The following STX18 variants were observed in gnomAD, a reference collection of about 807,000 sequenced individuals.
STX18 encodes the protein syntaxin-18.
STX18 carries 40 observed loss-of-function variants against 50.1 expected under a neutral mutation model. The ratio of observed to expected loss-of-function variants is 0.80; its 90% CI spans 0.62 to 1.04. The LOEUF is 1.04. STX18 is among the 50% of genes least tolerant of loss of function. STX18 has a pLI of 0.00. For missense variants in STX18, 410 were observed against 415.8 expected, an observed-to-expected ratio of 0.99 and a Z score of 0.12; for synonymous variants, 158 against 151.8, an observed-to-expected ratio of 1.04 and a Z score of -0.30.
chr4:4,503,788 T>G (rs1729570392), intron 1 of STX18, among the ~76,000 whole-genome samples: 1 of 152,186 alleles, frequency 6.6e-6, no homozygotes, highest in Non-Finnish European at 1.5e-5. Flanking sequence ...TTTTTGAGAA[T>G]GTTTTTTTCA....
At chr4:4,457,060 C>A (rs1190111632) in intron 5 of STX18, 131 bp downstream of exon 5, 13 of 813,486 alleles carry the variant, frequency 1.6e-5, no homozygotes, top group Non-Finnish European at 2.3e-5. Context: ...TGCCCGGTAG[C>A]GCCAGCTATG....
chr4:4,444,019 C>CAAAAACAAAAAAAACTAT (rs747043856), intron 5 of STX18, among the ~76,000 whole-genome samples: 226 of 152,222 alleles, frequency 1.5e-3, no homozygotes, highest in Middle Eastern at 3.4e-3. Flanking sequence ...TCTTTGTATA[C>CAAAAACAAAAAAAACTAT]CTGGGGGCAT....
At chr4:4,473,836 G>C (rs1728046730) in intron 1 of STX18, among the ~76,000 whole-genome samples, 1 of 152,190 alleles carries the variant, frequency 6.6e-6, no homozygotes, top group African/African-American at 2.4e-5. Flanking sequence ...TTCGACAGTG[G>C]TGAATTCTGG....
chr4:4,496,637 A>G (rs1269350856), intron 1 of STX18, among the ~76,000 whole-genome samples: 1 of 152,176 alleles, frequency 6.6e-6, no homozygotes, highest in Admixed American at 6.5e-5. Context: ...TATAATCAGG[A>G]GCTTCTGCAT....
chr4:4,427,885 A>T (rs947736424), intron 7 of STX18, among the ~76,000 whole-genome samples: 3 of 152,232 alleles, frequency 2.0e-5, no homozygotes, highest in Admixed American at 6.5e-5. Flanking sequence ...CTAGAGGAAG[A>T]GAAGCAGGTG....
At chr4:4,485,493 A>G (rs1485308517) in intron 1 of STX18, among the ~76,000 whole-genome samples, 1 of 152,192 alleles carries the variant, frequency 6.6e-6, no homozygotes, top group African/African-American at 2.4e-5. Flanking sequence ...AAAGACTGCC[A>G]TTTCTTCAGT....
chr4:4,471,741 G>C (rs370143875), intron 1 of STX18, 35 bp from the exon 2 acceptor site: 9 of 1,399,362 alleles, frequency 6.4e-6, no homozygotes, highest in Admixed American at 2.3e-5. Context: ...AGTTTATATA[G>C]ATATGTTACA....
intron 1 of STX18, among the ~76,000 whole-genome samples, chr4:4,493,282 A>T (rs889799600): frequency 6.5e-5 from 9 of 138,812 alleles, no homozygotes; most frequent in African/African-American, 1.8e-4. Flanking sequence ...GGCATTCCCA[A>T]CCCCCCCGCC....
chr4:4,437,145 G>A (rs890821752), intron 6 of STX18, among the ~76,000 whole-genome samples: 4 of 152,000 alleles, frequency 2.6e-5, no homozygotes, highest in Non-Finnish European at 5.9e-5. Context: ...TTTTAGTAGA[G>A]ATGGGGTTTT....
intron 1 of STX18, among the ~76,000 whole-genome samples, chr4:4,526,680 A>T (rs973428824): frequency 7.7e-4 from 117 of 152,258 alleles, no homozygotes; most frequent in African/African-American, 2.7e-3. Context: ...ATTTGAAAAG[A>T]CTTCTGAAGC....
At chr4:4,523,100 C>T (rs997861297) in intron 1 of STX18, among the ~76,000 whole-genome samples, 3 of 152,148 alleles carry the variant, frequency 2.0e-5, no homozygotes, top group African/African-American at 4.8e-5. Context: ...AATATTTTAT[C>T]CACAGATCAG....
chr4:4,486,370 T>C (rs1728699597), intron 1 of STX18, among the ~76,000 whole-genome samples: 1 of 152,162 alleles, frequency 6.6e-6, no homozygotes, highest in Non-Finnish European at 1.5e-5. Context: ...CACATGTCAA[T>C]AAGATGGAGG....
intron 2 of STX18, among the ~76,000 whole-genome samples, chr4:4,460,226 CCAT>C (rs1727306275): frequency 1.3e-5 from 2 of 152,144 alleles, no homozygotes; most frequent in African/African-American, 4.8e-5. Context: ...TGCTGTATCC[CCAT>C]CATCAAGAGC....
intron 1 of STX18, among the ~76,000 whole-genome samples, chr4:4,525,015 T>G (rs986450797): frequency 6.6e-6 from 1 of 152,146 alleles, no homozygotes; most frequent in African/African-American, 2.4e-5. Flanking sequence ...AGAATGAGAT[T>G]CCAGATGTGG....
At chr4:4,439,824 T>C (rs930543581) in intron 5 of STX18, among the ~76,000 whole-genome samples, 3 of 152,158 alleles carry the variant, frequency 2.0e-5, no homozygotes, top group Admixed American at 2.0e-4. Flanking sequence ...CCTTCCCATC[T>C]ACAGGGCTCA....
At chr4:4,425,133 C>G (rs1725180873) in intron 8 of STX18, 31 bp downstream of exon 8, 2 of 1,594,398 alleles carry the variant, frequency 1.3e-6, no homozygotes, top group African/African-American at 1.3e-5. Context: ...GTAAAGCAGG[C>G]TATCAGCTCA....
At chr4:4,482,782 T>C (rs1322219840) in intron 1 of STX18, among the ~76,000 whole-genome samples, 3 of 152,234 alleles carry the variant, frequency 2.0e-5, no homozygotes, top group Non-Finnish European at 4.4e-5. Context: ...AATATAGTAT[T>C]CTGGGTTCAC....
chr4:4,492,563 T>C (rs555884938), intron 1 of STX18, among the ~76,000 whole-genome samples: 1 of 152,142 alleles, frequency 6.6e-6, no homozygotes, highest in African/African-American at 2.4e-5. Flanking sequence ...GGTCACTTTG[T>C]TTTTATTAGG....
At chr4:4,433,315 T>A (rs916202077) in intron 7 of STX18, among the ~76,000 whole-genome samples, 3 of 152,166 alleles carry the variant, frequency 2.0e-5, no homozygotes, top group African/African-American at 7.2e-5. Context: ...CATTTTACCA[T>A]TGAAAACAAC....
Sources: allele counts gnomAD v4.1 joint callset (sites outside exome capture counted in the v4.1 genomes callset), GRCh38; gene constraint gnomAD v4.1.1; transcripts MANE v1.5; gene names NCBI Gene and HGNC (gene_info 2026-07-23, HGNC 2026-07-21).